TRAPPC10: variants seen among roughly 807,000 people sequenced by gnomAD.
TRAPPC10 encodes the protein TRAPP 130 kDa subunit.
In TRAPPC10, 23 loss-of-function variants were observed where a neutral mutation model predicts 125.5. That is an observed-to-expected ratio of 0.18 (90% CI 0.13 to 0.26). The LOEUF (loss-of-function observed/expected upper bound fraction) is 0.26, where lower values mean the gene tolerates loss of function less well. TRAPPC10 is among the 10% of genes least tolerant of loss of function. The probability of loss-of-function intolerance (pLI) is 1.00; values close to 1 mark genes in which losing one functional copy is unlikely to be tolerated. For synonymous variants in TRAPPC10, 509 were observed against 518.0 expected, an observed-to-expected ratio of 0.98 and a Z score of 0.24; for missense variants, 1,123 against 1,308.4, an observed-to-expected ratio of 0.86 and a Z score of 2.19.
intron 1 of TRAPPC10, among the ~76,000 whole-genome samples, chr21:44,014,593 G>GTTTT (rs374497169): frequency 7.3e-6 from 1 of 136,754 alleles, no homozygotes; most frequent in Non-Finnish European, 1.6e-5. Flanking sequence ...GTTTGTTTTT[G>GTTTT]TTTTTTTTTT....
intron 1 of TRAPPC10, among the ~76,000 whole-genome samples, chr21:44,030,288 A>C (rs758191038): frequency 2.6e-5 from 4 of 152,120 alleles, no homozygotes; most frequent in Non-Finnish European, 5.9e-5. Context: ...TAGAAAACCA[A>C]GTGGAAGAGG....
At chr21:44,069,505 G>C (rs2036697940) in intron 7 of TRAPPC10, among the ~76,000 whole-genome samples, 1 of 152,184 alleles carries the variant, frequency 6.6e-6, no homozygotes, top group Admixed American at 6.5e-5. Flanking sequence ...CTTTCCTCGG[G>C]TATCAGTGGG....
At chr21:44,048,524 T>G (rs2035012574) in intron 3 of TRAPPC10, among the ~76,000 whole-genome samples, 1 of 152,180 alleles carries the variant, frequency 6.6e-6, no homozygotes, top group Non-Finnish European at 1.5e-5. Flanking sequence ...GACAGAGTCT[T>G]GCTCTATCAC....
chr21:44,023,701 G>C (rs1033128045), intron 1 of TRAPPC10, among the ~76,000 whole-genome samples: 1 of 152,196 alleles, frequency 6.6e-6, no homozygotes, highest in Non-Finnish European at 1.5e-5. Flanking sequence ...TGCAAGCTTG[G>C]GCTCCTAGTT....
chr21:44,017,414 G>A (rs1000590413), intron 1 of TRAPPC10, among the ~76,000 whole-genome samples: 1 of 152,144 alleles, frequency 6.6e-6, no homozygotes, highest in Admixed American at 6.5e-5. Flanking sequence ...TATAGTCAGT[G>A]TGCAAAAAAA....
chr21:44,081,024 T>C (rs1017074881), intron 13 of TRAPPC10, among the ~76,000 whole-genome samples: 14 of 137,946 alleles, frequency 1.0e-4, no homozygotes, highest in Admixed American at 2.1e-4. Flanking sequence ...TTTCTTTTTT[T>C]TTTTTTTTTT....
rs139002199 is a variant in TRAPPC10, at chr21:44,019,845, C to T, written c.67+7285C>T. Among the ~76,000 whole-genome samples, 72 of 152,284 alleles carry T rather than the reference C, an allele frequency of 4.7e-4. 1 individual carries two copies. In the Middle Eastern group the frequency reaches 0.02, roughly 43 times the overall value. Reference sequence around the variant, plus strand: ...AAGCGTCTTTGGTTTTAGACAGCTGCGTCTGTCTTTGGAGGTTTGTCCTTC... The same window carrying T: ...AAGCGTCTTTGGTTTTAGACAGCTGTGTCTGTCTTTGGAGGTTTGTCCTTC... On this transcript the variant is annotated intron_variant, in intron 1 of 22. Coordinates refer to ENST00000291574, the MANE Select transcript of TRAPPC10 (RefSeq NM_003274.5).
intron 3 of TRAPPC10, among the ~76,000 whole-genome samples, chr21:44,043,904 A>G (rs1203595944): frequency 3.9e-5 from 6 of 152,122 alleles, no homozygotes; most frequent in Non-Finnish European, 8.8e-5. Flanking sequence ...GCTGAGTCCC[A>G]CTGTGTGTTT....
At chr21:44,024,411 C>A (rs940208686) in intron 1 of TRAPPC10, among the ~76,000 whole-genome samples, 1 of 152,168 alleles carries the variant, frequency 6.6e-6, no homozygotes, top group African/African-American at 2.4e-5. Context: ...GCTGAAGGGC[C>A]AGGGGCCACT....
chr21:44,063,792 C>A lies in TRAPPC10; in HGVS notation c.1038+7C>A. 1.2e-6 allele frequency: 2 copies of A among 1,607,008 alleles called. No individual in the cohort carries two copies. Among genetic ancestry groups the A allele is most frequent in the South Asian group, 2.2e-5 (2 of 90,388 alleles). ...GGAACTGAAGCTCTTAGAAGTGAGT[C>A]GGCTGTTTTCCCAATTTACCCGTTT... On this transcript the variant is annotated splice_region_variant and intron_variant, in intron 7 of 22. Coordinates refer to ENST00000291574, the MANE Select transcript of TRAPPC10 (RefSeq NM_003274.5). This position sits in a 1 kb window ranked among gnomAD's most constrained non-coding sequence, Gnocchi z 4.4.
intron 4 of TRAPPC10, 25 bp from the exon 5 acceptor site, chr21:44,055,673 A>T: frequency 6.4e-7 from 1 of 1,564,212 alleles, no homozygotes; most frequent in Non-Finnish European, 8.7e-7. Flanking sequence ...GGTCTTTCCC[A>T]GATAGTCTGT....
chr21:44,019,865 T>C (rs2032299975), intron 1 of TRAPPC10, among the ~76,000 whole-genome samples: 1 of 152,232 alleles, frequency 6.6e-6, no homozygotes, highest in East Asian at 1.9e-4. Context: ...TGGAGGTTTG[T>C]CCTTCGTGTA....
intron 1 of TRAPPC10, among the ~76,000 whole-genome samples, chr21:44,018,133 G>T (rs1467564586): frequency 6.9e-6 from 1 of 144,106 alleles, no homozygotes. Context: ...AAATGGAAAG[G>T]TCTGATTTTC....
Position 44,063,372 on chromosome 21 carries a change from C to G in TRAPPC10, c.791-166C>G, listed in dbSNP as rs1317020286. Among the ~76,000 whole-genome samples the G allele has an allele frequency of 1.3e-5, 2 of 152,178 alleles. No homozygotes were observed. Among genetic ancestry groups the G allele is most frequent in the African/African-American group, 4.8e-5 (2 of 41,428 alleles). On this transcript the variant is annotated intron_variant, in intron 6 of 22. Coordinates refer to ENST00000291574, the MANE Select transcript of TRAPPC10 (RefSeq NM_003274.5). This position sits in a 1 kb window ranked among gnomAD's most constrained non-coding sequence, Gnocchi z 4.4. ...GTCACGTTACCCTCAGCTCGGCTGTCAGTGCTGGGAGCCGAATGCATCACT... is the reference window on the plus strand; with the variant it reads ...GTCACGTTACCCTCAGCTCGGCTGTGAGTGCTGGGAGCCGAATGCATCACT...
Position 44,084,110 on chromosome 21 carries a change from C to A in TRAPPC10, c.2239-12C>A. ...GTGACGTGGTTTCAAATGCCTGATT[C>A]TTTGACTCTAGGCCAAGGAACCTGG... On this transcript the variant is annotated splice_polypyrimidine_tract_variant and intron_variant, in intron 14 of 22. Coordinates refer to ENST00000291574, the MANE Select transcript of TRAPPC10 (RefSeq NM_003274.5). 1.2e-6 allele frequency: 2 copies of A among 1,612,918 alleles called. No homozygotes were observed. The highest frequency in any genetic ancestry group is 1.1e-5 in the South Asian group (1 of 90,872).
chr21:44,038,657 C>T (rs1222265338), intron 3 of TRAPPC10, among the ~76,000 whole-genome samples: 2 of 152,122 alleles, frequency 1.3e-5, no homozygotes, highest in Non-Finnish European at 1.5e-5. Context: ...TGCGGCACTT[C>T]TTCCTGTATT....
At position 44,084,153 on chromosome 21, in the gene TRAPPC10, A is replaced by G; in HGVS notation, c.2270A>G (p.Gln757Arg). The stretch of plus-strand genomic sequence containing the variant: ...GAACCTGGAACGTATACACTCAGGC[A>G]GCTGTGCGCCTCGGTGGGCTCCGTG... ...AKEPGTYTLR[Q>R]LCASVGSVWF... Residue 757 changes from glutamine to arginine, a missense_variant, in exon 15 of 23, where the codon CAG becomes CGG. Gln to Arg is a conservative substitution (Grantham distance 43). This residue lies in a region of TRAPPC10 where 840 missense variants were observed against 902.0 expected (regional missense o/e 0.93). Coordinates refer to ENST00000291574, the MANE Select transcript of TRAPPC10 (RefSeq NM_003274.5). 1 of 1,614,218 alleles carries G rather than the reference A, an allele frequency of 6.2e-7. No individual in the cohort carries two copies. Among genetic ancestry groups the G allele is most frequent in the Non-Finnish European group, 8.5e-7 (1 of 1,180,040 alleles).
At chr21:44,039,868 GAAAA>G (rs2034290300) in intron 3 of TRAPPC10, among the ~76,000 whole-genome samples, 1 of 151,798 alleles carries the variant, frequency 6.6e-6, no homozygotes, top group African/African-American at 2.4e-5. Flanking sequence ...TGTCTCAAAA[GAAAA>G]AAAAGAAATC....
chr21:44,079,939 G>T, intron 12 of TRAPPC10, 76 bp from the exon 13 acceptor site: 1 of 1,340,850 alleles, frequency 7.5e-7, no homozygotes. Context: ...TGTGAAGGCC[G>T]TAGGAGACTT....
Sources: allele counts gnomAD v4.1 joint callset (sites outside exome capture counted in the v4.1 genomes callset), GRCh38; gene constraint gnomAD v4.1.1; regional missense constraint gnomAD v4.1.1; non-coding constraint Gnocchi (gnomAD v3.1); transcripts MANE v1.5; gene names NCBI Gene and HGNC (gene_info 2026-07-23, HGNC 2026-07-21).